RBM10: variants seen among roughly 807,000 people sequenced by gnomAD.
RBM10 encodes RNA-binding protein 10.
A neutral mutation model predicts 84.9 loss-of-function variants in RBM10; 1 was observed. The ratio of observed to expected loss-of-function variants is 0.01; its 90% CI spans 0.00 to 0.06. The LOEUF is 0.06. Among genes scored for constraint, RBM10 ranks in the 10% least tolerant of loss-of-function variants. The pLI is 1.00. For synonymous variants in RBM10, 326 were observed against 344.5 expected, an observed-to-expected ratio of 0.95 and a Z score of 0.60; for missense variants, 438 against 839.0, an observed-to-expected ratio of 0.52 and a Z score of 5.90.
intron 2 of RBM10, among the ~76,000 whole-genome samples, chrX:47,162,262 C>T (rs1556766998): frequency 8.9e-6 from 1 of 112,055 alleles, no homozygotes; most frequent in African/African-American, 3.2e-5. Context: ...TTAGTTTTGT[C>T]AGCTATTGCC....
chrX:47,171,094 C>G lies in RBM10; in HGVS notation c.268C>G (p.Pro90Ala), dbSNP rs1934622247. ...RRRRRRHRHS[P>A]TGPPGFPRDG... ...GCGGCGGCGGCGGCACAGGCACAGC[C>G]CCACCGGCCCGCCAGGCTTCCCCCG... The change falls in exon 4 of 24, where the codon CCC becomes GCC. Residue 90 changes from proline to alanine, a missense_variant. By Grantham distance (27) the Pro-to-Ala change is conservative. Coordinates refer to ENST00000377604, the MANE Select transcript of RBM10 (RefSeq NM_005676.5). 1 of 1,210,753 alleles carries G rather than the reference C, an allele frequency of 8.3e-7. No homozygotes were observed. Among genetic ancestry groups the G allele is most frequent in the African/African-American group, 1.7e-5 (1 of 57,721 alleles).
intron 2 of RBM10, among the ~76,000 whole-genome samples, chrX:47,149,889 C>T (rs1224693959): frequency 2.3e-4 from 23 of 100,218 alleles, no homozygotes; most frequent in African/African-American, 5.2e-4. Flanking sequence ...GGCGCGATCT[C>T]GGCTCACCAC....
chrX:47,180,084 C>T, intron 10 of RBM10, 44 bp downstream of exon 10: 10 of 1,204,485 alleles, frequency 8.3e-6, no homozygotes, highest in Non-Finnish European at 9.0e-6. Context: ...GGGTCCCGGC[C>T]CCCGGGGTGG....
chrX:47,175,819 C>A (rs1049128224), intron 6 of RBM10, among the ~76,000 whole-genome samples: 1 of 110,217 alleles, frequency 9.1e-6, no homozygotes, highest in Non-Finnish European at 1.9e-5. Context: ...AGCTTTGGGA[C>A]CTCCGAGACC....
At chrX:47,176,689 C>T in intron 7 of RBM10, 103 bp downstream of exon 7, 1 of 1,138,624 alleles carries the variant, frequency 8.8e-7, no homozygotes, top group African/African-American at 1.8e-5. Context: ...ATCTCTCCCC[C>T]TCCCCCAATC....
At chrX:47,159,408 CAAAAA>C (rs782318170) in intron 2 of RBM10, among the ~76,000 whole-genome samples, 1 of 38,007 alleles carries the variant, frequency 2.6e-5, no homozygotes, top group Non-Finnish European at 5.6e-5. Context: ...AACTCCGTCT[CAAAAA>C]AAAAAAAAAA....
At chrX:47,176,686 C>G (rs1935174959) in intron 7 of RBM10, 100 bp downstream of exon 7, 2 of 1,147,241 alleles carry the variant, frequency 1.7e-6, no homozygotes, top group Non-Finnish European at 2.3e-6. Context: ...TCCATCTCTC[C>G]CCCTCCCCCA....
intron 2 of RBM10, among the ~76,000 whole-genome samples, chrX:47,163,908 G>A (rs782108677): frequency 3.8e-5 from 3 of 77,985 alleles, no homozygotes; most frequent in South Asian, 6.4e-4. Flanking sequence ...TCACTCTGTC[G>A]CCCAGGCTGG....
chrX:47,152,774 GACACACACACACACACACAC>G (rs370048928), intron 2 of RBM10, among the ~76,000 whole-genome samples: 3 of 80,363 alleles, frequency 3.7e-5, no homozygotes, highest in Non-Finnish European at 7.2e-5. Flanking sequence ...TCTTTACATA[GACACACACACACACACACAC>G]ACACACACAC....
intron 7 of RBM10, among the ~76,000 whole-genome samples, chrX:47,176,968 C>T (rs1556776566): frequency 9.0e-6 from 1 of 111,631 alleles, no homozygotes; most frequent in Non-Finnish European, 1.9e-5. Flanking sequence ...GCCAGACTGG[C>T]TGAAATGAGA....
intron 1 of RBM10, among the ~76,000 whole-genome samples, chrX:47,147,019 G>A (rs1031113019): frequency 1.8e-5 from 2 of 111,487 alleles, no homozygotes; most frequent in Non-Finnish European, 3.8e-5. Context: ...CCCACCCTGG[G>A]ATGCAGCCCC....
intron 2 of RBM10, among the ~76,000 whole-genome samples, chrX:47,155,146 CAAAAAAAAAAAAAA>C: frequency 3.7e-5 from 1 of 27,358 alleles, no homozygotes; most frequent in South Asian, 2.2e-3. Flanking sequence ...GACTCCCTCT[CAAAAAAAAAAAAAA>C]AAAAAAAAGA....
At chrX:47,153,582 T>C (rs994254987) in intron 2 of RBM10, among the ~76,000 whole-genome samples, 2 of 112,360 alleles carry the variant, frequency 1.8e-5, no homozygotes, top group Non-Finnish European at 3.7e-5. Context: ...TAAAACCTTG[T>C]TAGATTTTAT....
At chrX:47,178,691 G>A (rs1935314921) in intron 7 of RBM10, among the ~76,000 whole-genome samples, 1 of 112,082 alleles carries the variant, frequency 8.9e-6, no homozygotes, top group Non-Finnish European at 1.9e-5. Flanking sequence ...GAGGGGTGCG[G>A]GTCTGGCTAC....
chrX:47,156,294 AT>A (rs1347202294), intron 2 of RBM10, among the ~76,000 whole-genome samples: 32 of 109,739 alleles, frequency 2.9e-4, no homozygotes, highest in African/African-American at 1.0e-3. Flanking sequence ...AAGGTGATAC[AT>A]TTTTTTCTTA....
chrX:47,148,385 A>G (rs1271241150), intron 2 of RBM10, among the ~76,000 whole-genome samples: 3 of 111,796 alleles, frequency 2.7e-5, no homozygotes, highest in African/African-American at 9.7e-5. Context: ...GCTGACATAC[A>G]TACTTTGTTC....
intron 4 of RBM10, 41 bp downstream of exon 4, chrX:47,171,299 GTCTCC>G (rs1173248420): frequency 8.3e-7 from 1 of 1,202,946 alleles, no homozygotes; most frequent in African/African-American, 1.7e-5. Context: ...GCCAGGCTGG[GTCTCC>G]TCCAGGGCCC....
At position 47,171,378 on chromosome X, in the gene RBM10, A is replaced by C. The variant is rs1235242968; in HGVS notation, c.432+120A>C. On this transcript the variant is annotated intron_variant, in intron 4 of 23. Coordinates refer to ENST00000377604, the MANE Select transcript of RBM10 (RefSeq NM_005676.5). Reference sequence around the variant, plus strand: ...CGCCTTTCATCCCTTCTCCCCCTCCAGCTCCTATCCCCCAGCACTGATCCG... The same window carrying C: ...CGCCTTTCATCCCTTCTCCCCCTCCCGCTCCTATCCCCCAGCACTGATCCG... 5 of 1,044,880 alleles carry C rather than the reference A, an allele frequency of 4.8e-6. No homozygotes were observed. In the Admixed American group the frequency reaches 1.1e-4, roughly 24 times the overall value. The allele number at this position is 1,044,880 out of a possible 1,213,427, so 86.1% of individuals were successfully genotyped here.
chrX:47,147,662 C>CCTGTGCT lies in RBM10; in HGVS notation c.17+165_17+171dup, dbSNP rs59650471. On this transcript the variant is annotated intron_variant, in intron 2 of 23. Transcript: ENST00000377604. Reference sequence around the variant, plus strand: ...GTTTGGCACCTGTTGTGAGCCAGGACCTGTGCTAGGCTCTGATAGTGCAGT... The same window carrying CCTGTGCT: ...GTTTGGCACCTGTTGTGAGCCAGGACCTGTGCTCTGTGCTAGGCTCTGATAGTGCAGT... Among the ~76,000 whole-genome samples, 15,929 of 110,860 alleles carry CCTGTGCT rather than the reference C, an allele frequency of 0.14. 1,062 individuals carry two copies. The highest frequency in any genetic ancestry group is 0.19 in the Non-Finnish European group (9,907 of 52,757).
Sources: allele counts gnomAD v4.1 joint callset (sites outside exome capture counted in the v4.1 genomes callset), GRCh38; gene constraint gnomAD v4.1.1; transcripts MANE v1.5; gene names NCBI Gene and HGNC (gene_info 2026-07-23, HGNC 2026-07-21).